IQSEC1: variants seen among roughly 807,000 people sequenced by gnomAD.
IQSEC1 encodes IQ motif and Sec7 domain ArfGEF 1.
In IQSEC1, 31 loss-of-function variants were observed where a neutral mutation model predicts 91.0. The ratio of observed to expected loss-of-function variants is 0.34; its 90% CI spans 0.26 to 0.46. The LOEUF (loss-of-function observed/expected upper bound fraction) is 0.46. IQSEC1 is among the 20% of genes least tolerant of loss of function. IQSEC1 has a pLI of 1.00. For missense variants in IQSEC1, 1,388 were observed against 1,575.6 expected, an observed-to-expected ratio of 0.88 and a Z score of 2.02; for synonymous variants, 699 against 662.6, an observed-to-expected ratio of 1.05 and a Z score of -0.84.
At chr3:13,241,801 C>T (rs1695025766) in intron 1 of IQSEC1, among the ~76,000 whole-genome samples, 1 of 152,204 alleles carries the variant, frequency 6.6e-6, no homozygotes, top group South Asian at 2.1e-4. Context: ...CCCCTGGACC[C>T]CTCTCTCTCA....
Position 13,073,250 on chromosome 3 carries a change from C to G in IQSEC1, c.-236G>C. 1 of 571,092 alleles carries G rather than the reference C, an allele frequency of 1.8e-6. No individual in the cohort carries two copies. Among genetic ancestry groups the G allele is most frequent in the Non-Finnish European group, 3.1e-6 (1 of 322,106 alleles). 35.4% of individuals were successfully genotyped at this position (571,092 alleles called of 1,614,324 possible). ...GCACGTAGCGCGCGCTCACACCGTGCCCAGGAGCGAGCGAGGACGTCGAGT... is the reference window on the plus strand; with the variant it reads ...GCACGTAGCGCGCGCTCACACCGTGGCCAGGAGCGAGCGAGGACGTCGAGT... On this transcript the variant is annotated 5_prime_UTR_variant, in exon 1 of 14. Transcript: ENST00000613206.
intron 2 of IQSEC1, among the ~76,000 whole-genome samples, chr3:13,161,817 G>A (rs532177893): frequency 3.3e-5 from 5 of 152,354 alleles, no homozygotes; most frequent in African/African-American, 1.2e-4. Context: ...GGCTTCTCCT[G>A]TCTGTGCACC....
At chr3:13,062,286 C>G (rs1705092168) in intron 1 of IQSEC1, among the ~76,000 whole-genome samples, 1 of 152,094 alleles carries the variant, frequency 6.6e-6, no homozygotes, top group South Asian at 2.1e-4. Context: ...CGTGAGAATC[C>G]AGGGGAGGAA....
intron 1 of IQSEC1, among the ~76,000 whole-genome samples, chr3:12,982,748 C>G (rs2125592305): frequency 6.6e-6 from 1 of 152,318 alleles, no homozygotes; most frequent in African/African-American, 2.4e-5. Context: ...CAGCTTGCAG[C>G]CCCTAGTACT....
intron 1 of IQSEC1, among the ~76,000 whole-genome samples, chr3:13,271,993 T>G (rs962157732): frequency 6.6e-6 from 1 of 152,140 alleles, no homozygotes; most frequent in Non-Finnish European, 1.5e-5. Flanking sequence ...ACATTCTTCT[T>G]AAGTGTACAC....
upstream of IQSEC1, among the ~76,000 whole-genome samples, chr3:13,074,148 G>A (rs1374662120): frequency 6.6e-6 from 1 of 152,240 alleles, no homozygotes; most frequent in African/African-American, 2.4e-5. Context: ...TGAAAAGAGA[G>A]CAGGAAGAGG....
chr3:13,047,202 C>T (rs193114084), intron 1 of IQSEC1, among the ~76,000 whole-genome samples: 16 of 152,314 alleles, frequency 1.1e-4, no homozygotes, highest in Non-Finnish European at 1.5e-4. Context: ...CCTGATCCTC[C>T]GAGGGGCCTT....
intron 1 of IQSEC1, among the ~76,000 whole-genome samples, chr3:13,254,284 C>T (rs1329833231): frequency 6.6e-6 from 1 of 152,244 alleles, no homozygotes; most frequent in East Asian, 1.9e-4. Context: ...CCTGGGGACG[C>T]ACTGGGGTCC....
intron 2 of IQSEC1, among the ~76,000 whole-genome samples, chr3:13,083,114 T>C (rs981887310): frequency 6.6e-6 from 1 of 152,204 alleles, no homozygotes; most frequent in Non-Finnish European, 1.5e-5. Flanking sequence ...GCAAGGACAA[T>C]GTCTGTCAGT....
intron 2 of IQSEC1, among the ~76,000 whole-genome samples, chr3:13,126,475 T>G (rs1192153430): frequency 6.6e-6 from 1 of 152,260 alleles, no homozygotes; most frequent in African/African-American, 2.4e-5. Flanking sequence ...ATTACACTGC[T>G]AAGTATGTTT....
At chr3:13,271,384 AT>A (rs1464131441) in intron 1 of IQSEC1, among the ~76,000 whole-genome samples, 1 of 152,222 alleles carries the variant, frequency 6.6e-6, no homozygotes, top group African/African-American at 2.4e-5. Context: ...CTCAAAAAAA[AT>A]AAAAAAGAAA....
At chr3:12,955,771 G>C (rs962577715) in intron 1 of IQSEC1, among the ~76,000 whole-genome samples, 3 of 152,206 alleles carry the variant, frequency 2.0e-5, no homozygotes, top group African/African-American at 7.2e-5. Context: ...CATCCCTCAG[G>C]GACCCTCGGC....
At chr3:13,258,320 C>T (rs977190488) in intron 1 of IQSEC1, among the ~76,000 whole-genome samples, 3 of 152,158 alleles carry the variant, frequency 2.0e-5, no homozygotes, top group Non-Finnish European at 4.4e-5. Flanking sequence ...TTCTGTAAAC[C>T]TAAAGTGCTC....
intron 6 of IQSEC1, among the ~76,000 whole-genome samples, chr3:12,919,108 G>GCCCCGGGTGGATGTAGAGGAGGC (rs3836367): frequency 6.6e-6 from 1 of 151,978 alleles, no homozygotes; most frequent in Non-Finnish European, 1.5e-5. Flanking sequence ...TGTAGAGGAG[G>GCCCCGGGTGGATGTAGAGGAGGC]CCCGGCCTCC....
chr3:13,233,867 C>A (rs1181885101), intron 1 of IQSEC1, among the ~76,000 whole-genome samples: 1 of 152,294 alleles, frequency 6.6e-6, no homozygotes, highest in African/African-American at 2.4e-5. Flanking sequence ...CCTCTCTGTG[C>A]CCTGTAACAT....
chr3:13,023,295 T>G (rs900088112), intron 1 of IQSEC1, among the ~76,000 whole-genome samples: 1 of 152,158 alleles, frequency 6.6e-6, no homozygotes, highest in Admixed American at 6.5e-5. Context: ...AGGCCCCAGC[T>G]TGAGCCCCCA....
At chr3:13,024,630 T>C (rs1703543264) in intron 1 of IQSEC1, among the ~76,000 whole-genome samples, 1 of 148,944 alleles carries the variant, frequency 6.7e-6, no homozygotes, top group Non-Finnish European at 1.5e-5. Flanking sequence ...CCATCATCCA[T>C]CCACCCATCC....
Position 13,199,600 on chromosome 3 carries a change from C to T in IQSEC1, c.273-35467G>A, listed in dbSNP as rs181626904. On this transcript the variant is annotated intron_variant, in intron 1 of 15. Transcript: ENST00000648114. ...CCTTCCCACCGACCAAGGCCAGCCC[C>T]GCGACCCTCCTTCAGTGTACTTTTC... Among the ~76,000 whole-genome samples, 172 of 152,262 alleles carry T rather than the reference C, an allele frequency of 1.1e-3. 1 individual carries two copies. The highest frequency in any genetic ancestry group is 3.8e-3 in the African/African-American group (159 of 41,552).
chr3:13,010,061 T>C (rs879886227), intron 1 of IQSEC1, among the ~76,000 whole-genome samples: 1 of 152,208 alleles, frequency 6.6e-6, no homozygotes, highest in Non-Finnish European at 1.5e-5. Flanking sequence ...AGTTTTCTCA[T>C]CTGCAAAATA....
Sources: allele counts gnomAD v4.1 joint callset (sites outside exome capture counted in the v4.1 genomes callset), GRCh38; gene constraint gnomAD v4.1.1; transcripts MANE v1.5; gene names NCBI Gene and HGNC (gene_info 2026-07-23, HGNC 2026-07-21).